The following GATA6 variants were observed in gnomAD, a reference collection of about 807,000 sequenced individuals.
GATA6 encodes GATA binding protein 6.
A neutral mutation model predicts 48.1 loss-of-function variants in GATA6; 11 were observed. The ratio of observed to expected loss-of-function variants is 0.23; its 90% CI spans 0.14 to 0.38. The LOEUF (loss-of-function observed/expected upper bound fraction) is 0.38, where lower values mean the gene tolerates loss of function less well. Among genes scored for constraint, GATA6 ranks in the 10% least tolerant of loss-of-function variants. The probability of loss-of-function intolerance (pLI) is 1.00; values close to 1 mark genes in which losing one functional copy is unlikely to be tolerated. For missense variants in GATA6, 795 were observed against 850.3 expected, an observed-to-expected ratio of 0.93 and a Z score of 0.81; for synonymous variants, 419 against 396.1, an observed-to-expected ratio of 1.06 and a Z score of -0.69.
At chr18:22,183,086 T>C (rs1335664994) in intron 6 of GATA6, 43 bp downstream of exon 6, 2 of 1,435,012 alleles carry the variant, frequency 1.4e-6, no homozygotes, top group African/African-American at 1.4e-5. Context: ...ACTGGGCTGC[T>C]CTCTAGTAAA....
At chr18:22,193,381 A>G (rs79121287) in intron 6 of GATA6, among the ~76,000 whole-genome samples, 2,374 of 152,330 alleles carry the variant, frequency 0.016, 59 homozygotes, top group African/African-American at 0.043. Flanking sequence ...CGTAGTTTAT[A>G]TAGTGGAAGT....
chr18:22,197,504 G>A (rs538220037), intron 6 of GATA6, among the ~76,000 whole-genome samples: 1 of 152,264 alleles, frequency 6.6e-6, no homozygotes, highest in East Asian at 1.9e-4. Context: ...TCATCCTTCT[G>A]TTTTTCAGCT....
rs1244994482 is a variant in GATA6 at position 22,202,486 on chromosome 18, T to C, written c.*1663T>C. 6.6e-6 allele frequency: 1 copy of C among 152,176 alleles called. No individual in the cohort carries two copies. The highest frequency in any genetic ancestry group is 1.9e-4 in the East Asian group (1 of 5,194). The allele number at this position is 152,176 out of a possible 1,614,324, so 9.4% of individuals were successfully genotyped here. A position where few individuals can be genotyped will look rare whatever the true frequency, so the allele number is the denominator to read the frequency against. ...TCATTGTTGAGTAGATTTCAGGAAA[T>C]CAGGAGGTGTTTCACAATACAGAAT... On this transcript the variant is annotated 3_prime_UTR_variant, in exon 7 of 7. Transcript: ENST00000269216.
At chr18:22,195,703 C>T (rs115311084) in intron 6 of GATA6, among the ~76,000 whole-genome samples, 2,558 of 152,202 alleles carry the variant, frequency 0.017, 75 homozygotes, top group African/African-American at 0.058. Context: ...GCAGTTATGA[C>T]GTGTAATTCA....
rs945726864 is a variant in GATA6, at chr18:22,172,752, C to A, written c.1135+473C>A. 6.6e-6 allele frequency among the ~76,000 whole-genome samples: 1 copy of A among 152,158 alleles called. No individual in the cohort carries two copies. The highest frequency in any genetic ancestry group is 1.5e-5 in the Non-Finnish European group (1 of 68,040). On this transcript the variant is annotated intron_variant, in intron 2 of 6. Transcript: ENST00000269216. The surrounding 1 kb of genome is among the most constrained non-coding windows in gnomAD (Gnocchi z 5.2). ...AGACACACAAGCACATGCAGGCTCA[C>A]CCAGTTTAACTCTCCAAAGGGTGCG...
At chr18:22,198,080 T>C (rs2033413850) in intron 6 of GATA6, among the ~76,000 whole-genome samples, 2 of 152,024 alleles carry the variant, frequency 1.3e-5, no homozygotes, top group East Asian at 3.9e-4. Flanking sequence ...CTTTCTTTTT[T>C]TTTTTTTAAT....
chr18:22,189,984 CGGT>C (rs1173033256), intron 6 of GATA6, among the ~76,000 whole-genome samples: 8 of 152,300 alleles, frequency 5.3e-5, no homozygotes, highest in Non-Finnish European at 1.2e-4. Flanking sequence ...CTGGCTGATG[CGGT>C]CAGTGTTGTT....
rs1471278868 is a variant in GATA6, at chr18:22,175,877, A to G, written c.1136-1078A>G. 3.9e-5 allele frequency among the ~76,000 whole-genome samples: 6 copies of G among 152,314 alleles called. No homozygotes were observed. In the East Asian group the frequency reaches 1.2e-3, roughly 29 times the overall value. ...AGGAATGCTTCTTCAATAATGCAGAACTAGGACATTTAAACCTTCTATAAT... is the reference window on the plus strand; with the variant it reads ...AGGAATGCTTCTTCAATAATGCAGAGCTAGGACATTTAAACCTTCTATAAT... On this transcript the variant is annotated intron_variant, in intron 2 of 6. Coordinates refer to ENST00000269216, the MANE Select transcript of GATA6 (RefSeq NM_005257.6).
chr18:22,184,297 C>T (rs1156505248), intron 6 of GATA6, among the ~76,000 whole-genome samples: 10 of 151,238 alleles, frequency 6.6e-5, no homozygotes, highest in East Asian at 5.8e-4. Flanking sequence ...GGAAACAAAA[C>T]GTCTTTTTAG....
intron 1 of GATA6, among the ~76,000 whole-genome samples, chr18:22,169,940 G>A (rs190304522): frequency 1.4e-4 from 21 of 152,248 alleles, no homozygotes; most frequent in African/African-American, 5.1e-4. Flanking sequence ...GGCGCAAAGG[G>A]GCGGGAGCCG....
At chr18:22,174,103 G>A (rs552733435) in intron 2 of GATA6, among the ~76,000 whole-genome samples, 85 of 152,334 alleles carry the variant, frequency 5.6e-4, no homozygotes, top group African/African-American at 1.9e-3. Flanking sequence ...TGGCTCCCAG[G>A]AGCAGAGAGA....
chr18:22,171,739 C>T lies in GATA6; in HGVS notation c.595C>T (p.Pro199Ser), dbSNP rs1428539753. Reference protein sequence around the residue: ...VPTTRVGSMLPGLPYHLQGSG... With the variant: ...VPTTRVGSMLSGLPYHLQGSG... ...CACCACCCGCGTGGGTTCCATGCTGCCCGGCCTACCGTACCACCTGCAGGG... is the reference window on the plus strand; with the variant it reads ...CACCACCCGCGTGGGTTCCATGCTGTCCGGCCTACCGTACCACCTGCAGGG... The change falls in exon 2 of 7, where the codon CCC (proline) becomes TCC (serine). Residue 199 changes from proline to serine, a missense_variant. By Grantham distance (74) the Pro-to-Ser change is moderately conservative (BLOSUM62 -1). Coordinates refer to ENST00000269216, the MANE Select transcript of GATA6 (RefSeq NM_005257.6). The surrounding 1 kb of genome is among the most constrained non-coding windows in gnomAD (Gnocchi z 7.1). The T allele has an allele frequency of 1.4e-6, 2 of 1,466,544 alleles. No homozygotes were observed. The highest frequency in any genetic ancestry group is 1.5e-5 in the African/African-American group (1 of 66,874). 90.8% of individuals were successfully genotyped at this position (1,466,544 alleles called of 1,614,324 possible). A position where few individuals can be genotyped will look rare whatever the true frequency, so the allele number is the denominator to read the frequency against.
chr18:22,176,676 T>C (rs79159081), intron 2 of GATA6: 7 of 383,680 alleles, frequency 1.8e-5, no homozygotes, highest in Non-Finnish European at 2.8e-5. Context: ...CCACCGCTCA[T>C]CTCGGACTCT....
At chr18:22,184,528 T>C (rs956536121) in intron 6 of GATA6, among the ~76,000 whole-genome samples, 2 of 152,106 alleles carry the variant, frequency 1.3e-5, no homozygotes, top group Non-Finnish European at 2.9e-5. Context: ...TGAGTCTTGC[T>C]GTCACCGAGG....
At chr18:22,198,503 T>C (rs1764083102) in intron 6 of GATA6, among the ~76,000 whole-genome samples, 1 of 152,230 alleles carries the variant, frequency 6.6e-6, no homozygotes, top group Non-Finnish European at 1.5e-5. Flanking sequence ...AAATAACACT[T>C]GTTGCGGTGA....
chr18:22,174,575 AC>A (rs1278090625), intron 2 of GATA6, among the ~76,000 whole-genome samples: 6 of 152,162 alleles, frequency 3.9e-5, no homozygotes, highest in Non-Finnish European at 8.8e-5. Flanking sequence ...ATTTGGGAAC[AC>A]CCAGCTTTTG....
chr18:22,196,749 A>AAT (rs1555630428), intron 6 of GATA6, among the ~76,000 whole-genome samples: 2,311 of 152,210 alleles, frequency 0.015, 53 homozygotes, highest in African/African-American at 0.052. Flanking sequence ...CTCAAAAATA[A>AAT]AAAATAAAAT....
rs1255568359 is a variant in GATA6, at chr18:22,185,945, A to G, written c.1620+2902A>G. ...GCATTTCTAAAAGGTGCCTGTGTTG[A>G]CAAAGGTGTGTCATTTTCCCATTTT... On this transcript the variant is annotated intron_variant, in intron 6 of 6. Transcript: ENST00000269216. This position sits in a 1 kb window ranked among gnomAD's most constrained non-coding sequence, Gnocchi z 4.3. 1.3e-5 allele frequency among the ~76,000 whole-genome samples: 2 copies of G among 152,084 alleles called. No homozygotes were observed. Among genetic ancestry groups the G allele is most frequent in the African/African-American group, 4.8e-5 (2 of 41,406 alleles).
At chr18:22,177,245 G>C (rs967721170) in intron 3 of GATA6, 124 bp downstream of exon 3, 67 of 873,436 alleles carry the variant, frequency 7.7e-5, no homozygotes, top group Non-Finnish European at 1.1e-4. Context: ...CGGCCGCTGC[G>C]GTCCCACCCT....
Sources: allele counts gnomAD v4.1 joint callset (sites outside exome capture counted in the v4.1 genomes callset), GRCh38; gene constraint gnomAD v4.1.1; non-coding constraint Gnocchi (gnomAD v3.1); transcripts MANE v1.5; gene names NCBI Gene and HGNC (gene_info 2026-07-23, HGNC 2026-07-21).